Variants in CLVS1 observed in about 807,000 individuals in gnomAD.
CLVS1 encodes clavesin 1.
A neutral mutation model predicts 33.1 loss-of-function variants in CLVS1; 10 were observed. That is an observed-to-expected ratio of 0.30 (90% CI 0.19 to 0.51). CLVS1 has a LOEUF of 0.51. Ranked by LOEUF, CLVS1 falls within the 20% of genes least tolerant of loss-of-function variation. The probability of loss-of-function intolerance (pLI) is 0.97; values close to 1 mark genes in which losing one functional copy is unlikely to be tolerated. For missense variants in CLVS1, 343 were observed against 433.4 expected, an observed-to-expected ratio of 0.79 and a Z score of 1.85; for synonymous variants, 163 against 166.1, an observed-to-expected ratio of 0.98 and a Z score of 0.14.
rs188352861 is a variant in CLVS1, at chr8:61,321,387, G to C, written c.455+21105G>C. On this transcript the variant is annotated intron_variant, in intron 2 of 5. Transcript: ENST00000325897. ...GATTTTGATGTGGATTTTTTTTTCT[G>C]GGTGATCTGATTTTTTTTTCTTCTG... Among the ~76,000 whole-genome samples the C allele has an allele frequency of 2.1e-3, 324 of 151,826 alleles. 1 individual carries two copies. Among genetic ancestry groups the C allele is most frequent in the African/African-American group, 7.4e-3 (306 of 41,438 alleles).
intron 1 of CLVS1, among the ~76,000 whole-genome samples, chr8:61,082,780 C>T (rs190353281): frequency 6.6e-6 from 1 of 152,102 alleles, no homozygotes; most frequent in East Asian, 1.9e-4. Context: ...TGCAGTTGCT[C>T]ATGCCTGTAA....
intron 2 of CLVS1, among the ~76,000 whole-genome samples, chr8:61,216,351 A>G (rs1259685585): frequency 2.0e-5 from 3 of 152,218 alleles, no homozygotes; most frequent in Middle Eastern, 6.3e-3. Flanking sequence ...ATGCTCTGGA[A>G]GCCACAGAGT....
chr8:61,201,013 A>G (rs1330732291), intron 2 of CLVS1, among the ~76,000 whole-genome samples: 2 of 152,146 alleles, frequency 1.3e-5, no homozygotes, highest in Non-Finnish European at 2.9e-5. Flanking sequence ...CTAAATTGCA[A>G]TCCTTTCATG....
intron 1 of CLVS1, among the ~76,000 whole-genome samples, chr8:61,097,949 A>G (rs1805381891): frequency 6.6e-6 from 1 of 152,210 alleles, no homozygotes; most frequent in Non-Finnish European, 1.5e-5. Flanking sequence ...AAAAGAGCTC[A>G]CATTGTGCCA....
intron 2 of CLVS1, among the ~76,000 whole-genome samples, chr8:61,141,536 C>G (rs111663635): frequency 6.6e-5 from 10 of 152,272 alleles, no homozygotes; most frequent in African/African-American, 2.2e-4. Context: ...CATTAATTCT[C>G]TCTCTCTTTC....
At chr8:61,428,729 C>G (rs1815993988) in intron 3 of CLVS1, among the ~76,000 whole-genome samples, 1 of 152,210 alleles carries the variant, frequency 6.6e-6, no homozygotes, top group Non-Finnish European at 1.5e-5. Context: ...CCACATATAC[C>G]TAAATCTGTG....
intron 2 of CLVS1, among the ~76,000 whole-genome samples, chr8:61,356,795 C>T: frequency 6.6e-6 from 1 of 152,170 alleles, no homozygotes; most frequent in Non-Finnish European, 1.5e-5. Context: ...GGTACCAGTA[C>T]CATGCTGTTT....
chr8:61,077,736 T>C (rs1448066443), intron 1 of CLVS1, among the ~76,000 whole-genome samples: 2 of 152,078 alleles, frequency 1.3e-5, no homozygotes, highest in South Asian at 2.1e-4. Context: ...TTTAAATAGG[T>C]GCTTGAAGGA....
chr8:61,169,215 AC>A (rs1806943172), intron 2 of CLVS1, among the ~76,000 whole-genome samples: 1 of 152,162 alleles, frequency 6.6e-6, no homozygotes, highest in Non-Finnish European at 1.5e-5. Context: ...AGAGACTGAT[AC>A]CCCAAAGTAT....
At chr8:61,212,711 G>A (rs1807997224) in intron 2 of CLVS1, among the ~76,000 whole-genome samples, 1 of 152,194 alleles carries the variant, frequency 6.6e-6, no homozygotes, top group Non-Finnish European at 1.5e-5. Context: ...CACAGAGCGG[G>A]TGTGAATAAG....
At chr8:61,117,781 T>A (rs1490350451) in intron 1 of CLVS1, among the ~76,000 whole-genome samples, 5 of 152,214 alleles carry the variant, frequency 3.3e-5, no homozygotes, top group Non-Finnish European at 7.3e-5. Context: ...TGCCAGTATT[T>A]TATTGAGGAT....
At chr8:61,227,203 G>A (rs1808350549) in intron 2 of CLVS1, among the ~76,000 whole-genome samples, 1 of 151,888 alleles carries the variant, frequency 6.6e-6, no homozygotes, top group Admixed American at 6.6e-5. Flanking sequence ...TTCTACCATA[G>A]ACCAGCAGTG....
intron 1 of CLVS1, among the ~76,000 whole-genome samples, chr8:61,097,465 A>T (rs1023552261): frequency 2.6e-5 from 4 of 152,226 alleles, no homozygotes; most frequent in African/African-American, 9.6e-5. Context: ...AAGACAGCAC[A>T]GGTTGCTGTT....
chr8:61,486,064 T>C (rs1400602024), intron 5 of CLVS1, among the ~76,000 whole-genome samples: 1 of 151,804 alleles, frequency 6.6e-6, no homozygotes, highest in Admixed American at 6.6e-5. Context: ...ACCTGCACGT[T>C]GTGCACATGT....
chr8:61,446,865 A>G (rs958953955), intron 3 of CLVS1, among the ~76,000 whole-genome samples: 8 of 150,692 alleles, frequency 5.3e-5, no homozygotes, highest in Admixed American at 5.3e-4. Context: ...GGTTATTTAG[A>G]ACTGTGTTGT....
chr8:61,479,555 G>A (rs1049061094), intron 5 of CLVS1, among the ~76,000 whole-genome samples: 4 of 148,026 alleles, frequency 2.7e-5, no homozygotes, highest in Non-Finnish European at 4.6e-5. Context: ...CGGAGTAGTT[G>A]ATCTTCTGAA....
intron 2 of CLVS1, among the ~76,000 whole-genome samples, chr8:61,170,809 T>TG (rs1276712205): frequency 2.9e-4 from 44 of 152,202 alleles, no homozygotes; most frequent in Non-Finnish European, 3.7e-4. Context: ...CCTTAAAGAA[T>TG]AGAGTTCTTT....
At chr8:61,107,374 G>A (rs1805556418) in intron 1 of CLVS1, among the ~76,000 whole-genome samples, 1 of 152,312 alleles carries the variant, frequency 6.6e-6, no homozygotes, top group East Asian at 1.9e-4. Flanking sequence ...AGTTCCAGAG[G>A]CTGGCAAGTC....
At chr8:61,401,752 C>T in intron 3 of CLVS1, among the ~76,000 whole-genome samples, 1 of 152,000 alleles carries the variant, frequency 6.6e-6, no homozygotes, top group Non-Finnish European at 1.5e-5. Context: ...AATAGCCAAC[C>T]ACGACAATCC....
Sources: allele counts gnomAD v4.1 joint callset (sites outside exome capture counted in the v4.1 genomes callset), GRCh38; gene constraint gnomAD v4.1.1; transcripts MANE v1.5; gene names NCBI Gene and HGNC (gene_info 2026-07-23, HGNC 2026-07-21).